ADCY9: variants seen among roughly 807,000 people sequenced by gnomAD.
ADCY9 encodes adenylate cyclase type 9.
In ADCY9, 50 loss-of-function variants were observed where a neutral mutation model predicts 101.5. The ratio of observed to expected loss-of-function variants is 0.49; its 90% CI spans 0.39 to 0.62. The LOEUF (loss-of-function observed/expected upper bound fraction) is 0.62, where lower values mean the gene tolerates loss of function less well. ADCY9 is among the 20% of genes least tolerant of loss of function. The pLI is 0.00. For synonymous variants in ADCY9, 905 were observed against 769.3 expected (o/e 1.18, Z -2.92); for missense variants, 1,662 against 1,800.4 (o/e 0.92, Z 1.39).
chr16:4,105,823 G>A (rs945669921), intron 2 of ADCY9, among the ~76,000 whole-genome samples: 6 of 152,114 alleles, frequency 3.9e-5, no homozygotes, highest in Non-Finnish European at 8.8e-5. Flanking sequence ...TCCAGCCTGG[G>A]CAACAGAGGA....
At chr16:4,110,964 G>A (rs957006862) in intron 2 of ADCY9, among the ~76,000 whole-genome samples, 13 of 152,034 alleles carry the variant, frequency 8.6e-5, no homozygotes, top group South Asian at 2.1e-4. Flanking sequence ...CCTACCTCAC[G>A]ATCACGGATC....
At chr16:4,097,487 T>TACACACACAC (rs71139606) in intron 2 of ADCY9, among the ~76,000 whole-genome samples, 1,469 of 72,128 alleles carry the variant, frequency 0.02, 48 homozygotes, top group Non-Finnish European at 0.025. Flanking sequence ...TATATATATA[T>TACACACACAC]ACACACACAC....
intron 2 of ADCY9, among the ~76,000 whole-genome samples, chr16:4,082,986 G>A (rs1468566452): frequency 2.6e-5 from 4 of 152,142 alleles, no homozygotes; most frequent in East Asian, 1.9e-4. Flanking sequence ...TGTGTCATTC[G>A]GAATGGCTGC....
chr16:4,060,008 C>G (rs530052504), intron 2 of ADCY9, among the ~76,000 whole-genome samples: 10 of 152,338 alleles, frequency 6.6e-5, no homozygotes, highest in African/African-American at 2.4e-4. Flanking sequence ...TCAGCTCACC[C>G]ATGCTGCTAC....
At chr16:4,058,220 T>G (rs2056753331) in intron 2 of ADCY9, among the ~76,000 whole-genome samples, 1 of 150,530 alleles carries the variant, frequency 6.6e-6, no homozygotes, top group South Asian at 2.1e-4. Context: ...TCCCAACACT[T>G]TGGGAGGCCA....
rs547928599 is a variant in ADCY9 at position 4,108,818 on chromosome 16, G to A, written c.1693+4932C>T. 1.1e-4 allele frequency among the ~76,000 whole-genome samples: 16 copies of A among 149,856 alleles called. No homozygotes were observed. The South Asian group carries it at 1.7e-3, about 16-fold the overall frequency. ...TCTCCCAGGTTCAAGCAATTCTCCTGCCTCAGCATCCCGAGTAGCTGGGAT... is the reference window on the plus strand; with the variant it reads ...TCTCCCAGGTTCAAGCAATTCTCCTACCTCAGCATCCCGAGTAGCTGGGAT... On this transcript the variant is annotated intron_variant, in intron 2 of 10. Transcript: ENST00000294016.
Position 3,966,639 on chromosome 16 carries a change from G to A in ADCY9, c.3198C>T (p.Asn1066=), listed in dbSNP as rs779786453. 2.5e-5 allele frequency: 41 copies of A among 1,614,076 alleles called. No individual in the cohort carries two copies. The highest frequency in any genetic ancestry group is 3.4e-5 in the Non-Finnish European group (40 of 1,180,042). ...SGGVIFASIV[N]FSEFYEENYE... ...AGTTCTCCTCGTAGAACTCGCTGAA[G>A]TTGACGATGCTGGCGAAGATCACCC... The change falls in exon 11 of 11, where the codon AAC becomes AAT. Residue 1066 remains asparagine, a synonymous_variant. Transcript: ENST00000294016.
chr16:4,014,150 C>T (rs557864296), intron 2 of ADCY9, among the ~76,000 whole-genome samples: 24 of 152,134 alleles, frequency 1.6e-4, no homozygotes, highest in African/African-American at 5.8e-4. Context: ...GAAATCCCGT[C>T]TCTACTAAAA....
rs924184940 is a variant in ADCY9, at chr16:3,979,357, A to C, written c.2520-82T>G. On this transcript the variant is annotated intron_variant, in intron 7 of 10. Transcript: ENST00000294016. The stretch of plus-strand genomic sequence containing the variant: ...AGGAGACAGGTGCGAGGCCGCAGCC[A>C]GCGCCGCCCTCTGCTCTCTCCCGTG... The C allele has an allele frequency of 2.0e-6, 3 of 1,509,422 alleles. No homozygotes were observed. In the African/African-American group the frequency reaches 4.1e-5, roughly 21 times the overall value. 93.5% of individuals were successfully genotyped at this position (1,509,422 alleles called of 1,614,324 possible).
At position 3,957,485 on chromosome 16, in the gene ADCY9, G is replaced by C. The variant is rs566474890; in HGVS notation, c.568-3969C>G. ...TATCTACAGTCCTAGAGTCAGGGAGGGGGAGGGTGATGGCGGAATGGGGGT... is the reference window on the plus strand; with the variant it reads ...TATCTACAGTCCTAGAGTCAGGGAGCGGGAGGGTGATGGCGGAATGGGGGT... On this transcript the variant is annotated intron_variant, in intron 5 of 5. Transcript: ENST00000576936. Among the ~76,000 whole-genome samples the C allele has an allele frequency of 3.3e-5, 5 of 152,272 alleles. No homozygotes were observed. In the East Asian group the frequency reaches 7.7e-4, roughly 24 times the overall value.
At chr16:4,102,684 CA>C (rs1413008845) in intron 2 of ADCY9, among the ~76,000 whole-genome samples, 1 of 152,126 alleles carries the variant, frequency 6.6e-6, no homozygotes, top group Non-Finnish European at 1.5e-5. Flanking sequence ...CTCGGCCTCC[CA>C]AAGTACTGGG....
intron 3 of ADCY9, among the ~76,000 whole-genome samples, chr16:3,996,356 T>G (rs905406333): frequency 6.6e-6 from 1 of 152,160 alleles, no homozygotes; most frequent in African/African-American, 2.4e-5. Context: ...AGCAAACCCA[T>G]TCTCAAAATA....
intron 3 of ADCY9, among the ~76,000 whole-genome samples, 181 bp from the exon 4 acceptor site, chr16:3,993,691 A>C (rs2056265477): frequency 6.6e-6 from 1 of 152,206 alleles, no homozygotes; most frequent in Admixed American, 6.5e-5. Context: ...GGAAACACAC[A>C]GAAACCCGGG....
chr16:3,993,525 C>CA lies in ADCY9; in HGVS notation c.1885-16dup, dbSNP rs1331259165. 3 of 1,613,492 alleles carry CA rather than the reference C, an allele frequency of 1.9e-6. No homozygotes were observed. The Admixed American group carries it at 5.0e-5, about 27-fold the overall frequency. On this transcript the variant is annotated splice_polypyrimidine_tract_variant and intron_variant, in intron 3 of 10. Transcript: ENST00000294016. Reference sequence around the variant, plus strand: ...GAAGGGCAGGTCTAGAAGAAAAACACAGACTGTGGGGACACACCCAGAAAC... The same window carrying CA: ...GAAGGGCAGGTCTAGAAGAAAAACACAAGACTGTGGGGACACACCCAGAAAC...
At chr16:4,083,729 T>C (rs2056919723) in intron 2 of ADCY9, among the ~76,000 whole-genome samples, 7 of 152,092 alleles carry the variant, frequency 4.6e-5, no homozygotes. Context: ...CCAGAAAACA[T>C]TAGGCTCAGT....
intron 2 of ADCY9, among the ~76,000 whole-genome samples, chr16:4,024,024 C>T (rs1020734278): frequency 6.7e-6 from 1 of 148,608 alleles, no homozygotes; most frequent in African/African-American, 2.5e-5. Flanking sequence ...AATTTTTTAA[C>T]TTTTTTTTTT....
chr16:4,020,933 CA>C (rs1039975159), intron 2 of ADCY9, among the ~76,000 whole-genome samples: 2 of 151,252 alleles, frequency 1.3e-5, no homozygotes, highest in Admixed American at 6.6e-5. Flanking sequence ...TGAACGTTTT[CA>C]AAAAAAACCC....
chr16:4,034,311 T>C (rs753329095), intron 2 of ADCY9, among the ~76,000 whole-genome samples: 3 of 152,160 alleles, frequency 2.0e-5, no homozygotes, highest in African/African-American at 7.2e-5. Context: ...AACTTCCAAA[T>C]CAAGTAAATA....
chr16:4,044,915 CG>C (rs1406425089), intron 2 of ADCY9, among the ~76,000 whole-genome samples: 2 of 152,156 alleles, frequency 1.3e-5, no homozygotes, highest in Admixed American at 1.3e-4. Flanking sequence ...CTCACAGCAA[CG>C]GGCTCCCGGC....
Sources: gnomAD v4.1 joint callset for allele counts (sites outside exome capture counted in the v4.1 genomes callset) on GRCh38, gnomAD v4.1.1 for gene constraint, MANE v1.5 for transcripts, NCBI Gene and HGNC (gene_info 2026-07-23, HGNC 2026-07-21) for gene names.